Variants in TG observed in about 807,000 individuals in gnomAD.
TG encodes thyroglobulin.
A neutral mutation model predicts 324.7 loss-of-function variants in TG; 270 were observed. That is an observed-to-expected ratio of 0.83 (90% CI 0.75 to 0.92). The LOEUF is 0.92. TG is among the 40% of genes least tolerant of loss of function. The pLI is 0.00. For missense variants in TG, 3,591 were observed against 3,456.4 expected, an observed-to-expected ratio of 1.04 and a Z score of -0.98; for synonymous variants, 1,401 against 1,327.0, an observed-to-expected ratio of 1.06 and a Z score of -1.21.
At chr8:132,926,507 G>A (rs1219153006) in intron 22 of TG, among the ~76,000 whole-genome samples, 3 of 152,148 alleles carry the variant, frequency 2.0e-5, no homozygotes, top group East Asian at 3.9e-4. Flanking sequence ...GGCTAGAATT[G>A]TATCTTATTT....
chr8:132,911,343 T>C, intron 18 of TG, 34 bp from the exon 19 acceptor site: 1 of 1,614,164 alleles, frequency 6.2e-7, no homozygotes, highest in South Asian at 1.1e-5. Flanking sequence ...TTCTACTCTG[T>C]GTTCTTGAGC....
intron 41 of TG, chr8:133,064,176 T>C (rs1459007418): frequency 6.6e-6 from 1 of 152,252 alleles, no homozygotes; most frequent in East Asian, 1.9e-4. Context: ...CTTGGTTTCC[T>C]GTTCTGAAAA....
chr8:132,969,697 G>A (rs548232511), intron 32 of TG, 128 bp downstream of exon 32: 2 of 725,932 alleles, frequency 2.8e-6, no homozygotes, highest in South Asian at 1.5e-5. Context: ...CTGATCACGA[G>A]GTCAAGAGAT....
intron 35 of TG, among the ~76,000 whole-genome samples, chr8:133,004,742 C>G (rs920941646): frequency 1.3e-5 from 2 of 152,136 alleles, no homozygotes; most frequent in African/African-American, 4.8e-5. Context: ...CACACATCTG[C>G]CTGGTACCCT....
At chr8:133,100,169 G>A (rs187386611) in intron 43 of TG, among the ~76,000 whole-genome samples, 114 of 152,188 alleles carry the variant, frequency 7.5e-4, no homozygotes, top group African/African-American at 2.7e-3. Context: ...CCCATATCAG[G>A]GTCCTGGTAC....
At chr8:133,027,257 G>A (rs1206504310) in intron 40 of TG, among the ~76,000 whole-genome samples, 1 of 152,244 alleles carries the variant, frequency 6.6e-6, no homozygotes, top group Admixed American at 6.5e-5. Context: ...GGTGCTCTGA[G>A]CAGAGGAGTA....
intron 43 of TG, chr8:133,102,831 G>A (rs534124032): frequency 1.1e-4 from 47 of 421,964 alleles, no homozygotes; most frequent in South Asian, 9.5e-4. Flanking sequence ...CAGAAACAGA[G>A]CGCCTCCGCT....
intron 37 of TG, 92 bp downstream of exon 37, chr8:133,013,856 C>A: frequency 6.6e-7 from 1 of 1,504,370 alleles, no homozygotes; most frequent in Non-Finnish European, 9.0e-7. Context: ...AGGACAGTGG[C>A]TTTTGTTGGC....
chr8:133,010,218 T>C (rs1238145121), intron 35 of TG, among the ~76,000 whole-genome samples: 3 of 152,194 alleles, frequency 2.0e-5, no homozygotes, highest in Non-Finnish European at 2.9e-5. Flanking sequence ...AAAAATGTCA[T>C]ATAACTTCTC....
At chr8:133,037,456 T>C (rs1189000482) in intron 41 of TG, 1 of 152,156 alleles carries the variant, frequency 6.6e-6, no homozygotes, top group East Asian at 1.9e-4. Flanking sequence ...TATTCTTACC[T>C]ACCCGATCCA....
chr8:133,071,307 G>A (rs933507587), intron 41 of TG, among the ~76,000 whole-genome samples: 2 of 152,312 alleles, frequency 1.3e-5, no homozygotes, highest in Non-Finnish European at 2.9e-5. Context: ...ATAATGTGTC[G>A]GAGTTTGCCC....
chr8:133,018,517 A>G (rs1587775094), intron 38 of TG, among the ~76,000 whole-genome samples: 1 of 134,262 alleles, frequency 7.4e-6, no homozygotes, highest in Non-Finnish European at 1.6e-5. Context: ...CCCACTAGGA[A>G]AAAAATTACA....
chr8:132,963,905 G>C (rs775572829), intron 29 of TG, among the ~76,000 whole-genome samples: 1 of 152,018 alleles, frequency 6.6e-6, no homozygotes, highest in Non-Finnish European at 1.5e-5. Context: ...CTTAGTGCAC[G>C]GCCATGGGTA....
intron 35 of TG, chr8:132,995,581 G>A: frequency 9.6e-6 from 9 of 937,592 alleles, no homozygotes; most frequent in Non-Finnish European, 1.1e-5. Context: ...ACGCACCCAG[G>A]ATCATGCATG....
intron 13 of TG, among the ~76,000 whole-genome samples, chr8:132,898,457 G>A (rs1817443681): frequency 2.0e-5 from 3 of 152,298 alleles, no homozygotes; most frequent in African/African-American, 7.2e-5. Flanking sequence ...CTTTGCAGGT[G>A]GAAGGAAACA....
intron 41 of TG, chr8:133,059,956 A>G (rs781520364): frequency 4.1e-5 from 34 of 832,604 alleles, no homozygotes; most frequent in South Asian, 7.1e-5. Context: ...TTGAACCACA[A>G]ACAAAACTAG....
chr8:132,944,168 C>T (rs1218643848), intron 26 of TG, among the ~76,000 whole-genome samples: 2 of 152,232 alleles, frequency 1.3e-5, no homozygotes, highest in African/African-American at 4.8e-5. Flanking sequence ...AGCCCTCTTC[C>T]CTTCTGTGAA....
intron 26 of TG, among the ~76,000 whole-genome samples, chr8:132,946,763 T>C (rs1825369712): frequency 6.6e-6 from 1 of 152,144 alleles, no homozygotes; most frequent in South Asian, 2.1e-4. Flanking sequence ...TTGAATGGCC[T>C]CAGGGTCACA....
intron 5 of TG, among the ~76,000 whole-genome samples, chr8:132,881,351 A>T (rs1249989752): frequency 6.6e-6 from 1 of 152,070 alleles, no homozygotes; most frequent in Non-Finnish European, 1.5e-5. Flanking sequence ...GACTGGATAC[A>T]TTTCCTTCTT....
Sources: allele counts gnomAD v4.1 joint callset (sites outside exome capture counted in the v4.1 genomes callset), GRCh38; gene constraint gnomAD v4.1.1; transcripts MANE v1.5; gene names NCBI Gene and HGNC (gene_info 2026-07-23, HGNC 2026-07-21).